Variants in IRF2BP2 observed in about 807,000 individuals in gnomAD.
The protein encoded by IRF2BP2 is interferon regulatory factor 2-binding protein 2.
Under a neutral mutation model 32.7 loss-of-function variants are expected in IRF2BP2, and 13 were observed. The ratio of observed to expected loss-of-function variants is 0.40; its 90% CI spans 0.26 to 0.63. IRF2BP2 has a LOEUF of 0.63. Ranked by LOEUF, IRF2BP2 falls within the 30% of genes least tolerant of loss-of-function variation. The pLI, the probability that IRF2BP2 is intolerant of heterozygous loss-of-function variation, is 0.42. For synonymous variants in IRF2BP2, 555 were observed against 384.6 expected (o/e 1.44, Z -5.18); for missense variants, 980 against 830.6 (o/e 1.18, Z -2.21).
rs745736622 is a variant in IRF2BP2 at position 234,607,440 on chromosome 1, T to C, written c.1461A>G (p.Pro487=). The change falls in exon 2 of 2, where the codon CCA becomes CCG. Residue 487 remains proline (P), a synonymous_variant. Coordinates refer to ENST00000366609, the MANE Select transcript of IRF2BP2 (RefSeq NM_182972.3). ...QGAGNTGGLE[P]VHPASLPDSS... The stretch of plus-strand genomic sequence containing the variant: ...AGTCCGGGAGGCTGGCAGGGTGCAC[T>C]GGCTCCAGTCCTCCTGTGTTGCCTG... The C allele has an allele frequency of 2.0e-5, 32 of 1,613,998 alleles. 1 individual carries two copies. The East Asian group carries it at 6.2e-4, about 31-fold the overall frequency.
Position 234,609,529 on chromosome 1 carries a change from G to C in IRF2BP2, c.-35C>G, listed in dbSNP as rs532761414. Reference sequence around the variant, plus strand: ...GCCCGCGACGCCGGAGGAGGAGGCGGAGGAGGAGGAGGGGGCGCCGCCGCC... The same window carrying C: ...GCCCGCGACGCCGGAGGAGGAGGCGCAGGAGGAGGAGGGGGCGCCGCCGCC... On this transcript the variant is annotated 5_prime_UTR_variant, in exon 1 of 2. Coordinates refer to ENST00000366609, the MANE Select transcript of IRF2BP2 (RefSeq NM_182972.3). 9.2e-5 allele frequency: 118 copies of C among 1,283,048 alleles called. No individual in the cohort carries two copies. The East Asian group carries it at 2.2e-3, about 24-fold the overall frequency. The allele number at this position is 1,283,048 out of a possible 1,614,324, so 79.5% of individuals were successfully genotyped here. A position where few individuals can be genotyped will look rare whatever the true frequency, so the allele number is the denominator to read the frequency against.
Position 234,609,210 on chromosome 1 carries a change from C to G in IRF2BP2, c.285G>C (p.Gln95His), listed in dbSNP as rs1672270386. 1.4e-5 allele frequency: 18 copies of G among 1,325,824 alleles called. No homozygotes were observed. Among genetic ancestry groups the G allele is most frequent in the Non-Finnish European group, 1.5e-5 (16 of 1,042,482 alleles). 82.1% of individuals were successfully genotyped at this position (1,325,824 alleles called of 1,614,324 possible). The change falls in exon 1 of 2, where the codon CAG (glutamine) becomes CAC (histidine). Residue 95 changes from glutamine to histidine, a missense_variant. Physicochemically the swap from Gln to His is conservative, Grantham distance 24. Coordinates refer to ENST00000366609, the MANE Select transcript of IRF2BP2 (RefSeq NM_182972.3). ...PLSAKDILLQQQQQLGHGGPE... is the reference protein window; with the variant it reads ...PLSAKDILLQHQQQLGHGGPE... ...GGCCGCCGTGGCCAAGCTGCTGCTG[C>G]TGCTGCAAAAGGATGTCCTTGGCGG...
chr1:234,609,325 CGCGCCGTCTCGAT>C lies in IRF2BP2; in HGVS notation c.157_169del (p.Ile53GlyfsTer97). On this transcript the variant is annotated frameshift_variant, in exon 1 of 2. Transcript: ENST00000366609. LOFTEE classifies it high-confidence loss of function. ...GCAGCCGTGCGCCCGCTTGAGCTGC[CGCGCCGTCTCGAT>C]GACGAACTCGACGCGGTCGGCGCCC... 6.6e-7 allele frequency: 1 copy of C among 1,520,248 alleles called. No homozygotes were observed. 94.2% of individuals were successfully genotyped at this position (1,520,248 alleles called of 1,614,324 possible).
Position 234,607,457 on chromosome 1 carries a change from T to C in IRF2BP2, c.1444A>G (p.Thr482Ala). ...REVGGQGAGN[T>A]GGLEPVHPAS... ...GGGTGCACTGGCTCCAGTCCTCCTG[T>C]GTTGCCTGCTCCCTGGCCCCCCACC... Residue 482 changes from threonine (T) to alanine (A), a missense_variant, in exon 2 of 2, where the codon ACA (threonine) becomes GCA (alanine). Transcript: ENST00000366609. 1.2e-6 allele frequency: 2 copies of C among 1,614,094 alleles called. No individual in the cohort carries two copies. The highest frequency in any genetic ancestry group is 1.7e-5 in the Admixed American group (1 of 60,024).
Position 234,610,121 on chromosome 1 carries a change from A to T in IRF2BP2, c.-627T>A, listed in dbSNP as rs1313666181. Among the ~76,000 whole-genome samples the T allele has an allele frequency of 2.7e-5, 4 of 147,864 alleles. No homozygotes were observed. Among genetic ancestry groups the T allele is most frequent in the Non-Finnish European group, 6.0e-5 (4 of 66,310 alleles). ...CCAGCGTCAGCGGCCAGCCCGCCTC[A>T]GCTCCGCCGCCGCCACCGTCGCTGC... On this transcript the variant is annotated 5_prime_UTR_variant, in exon 1 of 2. Transcript: ENST00000366609.
Position 234,609,384 on chromosome 1 carries a change from G to A in IRF2BP2, c.111C>T (p.Cys37=), listed in dbSNP as rs764501622. 3.2e-5 allele frequency: 50 copies of A among 1,560,412 alleles called. No homozygotes were observed. The Admixed American group carries it at 4.0e-4, about 13-fold the overall frequency. The change falls in exon 1 of 2, where the codon TGC becomes TGT. Residue 37 remains cysteine (C), a synonymous_variant. Transcript: ENST00000366609. ...AMIWDFTEPV[C]RGCVNYEGAD... is the part of the protein sequence containing the mutation. ...CGCCCTCGTAGTTGACGCAGCCGCGGCAGACGGGTTCGGTGAAGTCCCAGA... is the reference window on the plus strand; with the variant it reads ...CGCCCTCGTAGTTGACGCAGCCGCGACAGACGGGTTCGGTGAAGTCCCAGA...
In IRF2BP2 at chr1:234,605,572, T is replaced by G. The variant is rs1474029946; in HGVS notation, c.*1565A>C. The G allele has an allele frequency of 6.6e-6, 1 of 152,254 alleles. No individual in the cohort carries two copies. The highest frequency in any genetic ancestry group is 2.4e-5 in the African/African-American group (1 of 41,470). 9.4% of individuals were successfully genotyped at this position (152,254 alleles called of 1,614,324 possible). On this transcript the variant is annotated 3_prime_UTR_variant, in exon 2 of 2. Transcript: ENST00000366609. The stretch of plus-strand genomic sequence containing the variant: ...AAAGAATCCAAAGTTGGTAAAAATC[T>G]GTATTTTCAAATGTAAATAGAAGCT...
At position 234,607,377 on chromosome 1, in the gene IRF2BP2, G is replaced by C. The variant is rs768941217; in HGVS notation, c.1524C>G (p.Leu508=). The C allele has an allele frequency of 1.2e-6, 2 of 1,614,212 alleles. No individual in the cohort carries two copies. The highest frequency in any genetic ancestry group is 1.7e-6 in the Non-Finnish European group (2 of 1,180,034). The change falls in exon 2 of 2, where the codon CTC becomes CTG. Residue 508 remains leucine (L), a synonymous_variant. Transcript: ENST00000366609. ...GGGTGTCCTCCAGCCGCTCGTGGCA[G>C]AGGGTGCAGCACAGCGGGGCACTGG... ...LATSAPLCCT[L]CHERLEDTHF...
Position 234,606,185 on chromosome 1 carries a change from A to G in IRF2BP2, c.*952T>C, listed in dbSNP as rs1445124990. 6.6e-6 allele frequency: 1 copy of G among 152,330 alleles called. No homozygotes were observed. The highest frequency in any genetic ancestry group is 1.5e-5 in the Non-Finnish European group (1 of 68,156). The allele number at this position is 152,330 out of a possible 1,614,324, so 9.4% of individuals were successfully genotyped here. Reference sequence around the variant, plus strand: ...AAACAGAAACAAAACCAATCCCACAATCTCCAAGTTCACCTGGACTGTAAC... The same window carrying G: ...AAACAGAAACAAAACCAATCCCACAGTCTCCAAGTTCACCTGGACTGTAAC... On this transcript the variant is annotated 3_prime_UTR_variant, in exon 2 of 2. Transcript: ENST00000366609.
At position 234,605,234 on chromosome 1, in the gene IRF2BP2, T is replaced by C. The variant is rs890418296; in HGVS notation, c.*1903A>G. On this transcript the variant is annotated 3_prime_UTR_variant, in exon 2 of 2. Coordinates refer to ENST00000366609, the MANE Select transcript of IRF2BP2 (RefSeq NM_182972.3). ...GAGCTGAATTCTTTACAAATGTCTT[T>C]ATGGGCATGTAAAATTGACTCTGCA... 4 of 152,268 alleles carry C rather than the reference T, an allele frequency of 2.6e-5. No homozygotes were observed. The South Asian group carries it at 8.3e-4, about 31-fold the overall frequency. The allele number at this position is 152,268 out of a possible 1,614,324, so 9.4% of individuals were successfully genotyped here.
chr1:234,608,511 C>A lies in IRF2BP2; in HGVS notation c.984G>T (p.Glu328Asp). ...SGPFESKFKK[E>D]PALTAGRLLG... Reference sequence around the variant, plus strand: ...ACAACCTGCCTGCAGTCAGGGCCGGCTCCTTCTTAAACTTGCTCTCGAAGG... The same window carrying A: ...ACAACCTGCCTGCAGTCAGGGCCGGATCCTTCTTAAACTTGCTCTCGAAGG... Residue 328 changes from glutamate to aspartate, a missense_variant, in exon 1 of 2, where the codon GAG becomes GAT. Physicochemically the swap from Glu to Asp is conservative, Grantham distance 45. Coordinates refer to ENST00000366609, the MANE Select transcript of IRF2BP2 (RefSeq NM_182972.3). The A allele has an allele frequency of 1.9e-6, 3 of 1,610,200 alleles. No individual in the cohort carries two copies. The highest frequency in any genetic ancestry group is 2.5e-6 in the Non-Finnish European group (3 of 1,178,690).
rs776112211 is a variant in IRF2BP2, at chr1:234,607,632, G to C, written c.1269C>G (p.Ser423=). 1 of 1,614,240 alleles carries C rather than the reference G, an allele frequency of 6.2e-7. No homozygotes were observed. The highest frequency in any genetic ancestry group is 8.5e-7 in the Non-Finnish European group (1 of 1,180,034). ...CTACTAAGATCAGGGCTGCCATGGG[G>C]GACTGGCCATTCTGGGCCGCTTCAG... The part of the protein sequence containing the change: ...TPPEAAQNGQ[S]PMAALILVAD... The change falls in exon 2 of 2, where the codon TCC becomes TCG. Residue 423 remains serine, a synonymous_variant. Transcript: ENST00000366609.
In IRF2BP2 at chr1:234,607,247, C is replaced by T. The variant is rs749143055; in HGVS notation, c.1654G>A (p.Gly552Arg). The T allele has an allele frequency of 3.1e-6, 5 of 1,614,194 alleles. No homozygotes were observed. The highest frequency in any genetic ancestry group is 1.7e-5 in the Admixed American group (1 of 60,020). Reference sequence around the variant, plus strand: ...GAGCCCACAAGAGGGCATTTTTCCCCACTGGGACAATAGACCTCTCCACTA... The same window carrying T: ...GAGCCCACAAGAGGGCATTTTTCCCTACTGGGACAATAGACCTCTCCACTA... The part of the protein sequence containing the change: ...GASGEVYCPS[G>R]EKCPLVGSNV... Residue 552 changes from glycine to arginine, a missense_variant, in exon 2 of 2, where the codon GGG becomes AGG. Physicochemically the swap from Gly to Arg is moderately radical, Grantham distance 125. Transcript: ENST00000366609.
At position 234,609,262 on chromosome 1, in the gene IRF2BP2, G is replaced by A; in HGVS notation, c.233C>T (p.Ser78Leu). The A allele has an allele frequency of 7.3e-7, 1 of 1,375,654 alleles. No homozygotes were observed. 85.2% of individuals were successfully genotyped at this position (1,375,654 alleles called of 1,614,324 possible). The change falls in exon 1 of 2, where the codon TCG becomes TTG. Residue 78 changes from serine to leucine, a missense_variant. Physicochemically the swap from Ser to Leu is moderately radical, Grantham distance 145. Coordinates refer to ENST00000366609, the MANE Select transcript of IRF2BP2 (RefSeq NM_182972.3). ...GAGCGGCGGCGGCTTGGCGGCGGCCGAGGCCGCGGCGCCGGGTGGGGAGCG... is the reference window on the plus strand; with the variant it reads ...GAGCGGCGGCGGCTTGGCGGCGGCCAAGGCCGCGGCGCCGGGTGGGGAGCG... ...EGRSPPGAAASAAAKPPPLSA... is the reference protein window; with the variant it reads ...EGRSPPGAAALAAAKPPPLSA...
At position 234,610,107 on chromosome 1, in the gene IRF2BP2, G is replaced by A. The variant is rs895195196; in HGVS notation, c.-613C>T. On this transcript the variant is annotated 5_prime_UTR_variant, in exon 1 of 2. Transcript: ENST00000366609. The stretch of plus-strand genomic sequence containing the variant: ...GCCGCTCTCCAGCGCCAGCGTCAGC[G>A]GCCAGCCCGCCTCAGCTCCGCCGCC... Among the ~76,000 whole-genome samples, 7 of 148,146 alleles carry A rather than the reference G, an allele frequency of 4.7e-5. No individual in the cohort carries two copies. Among genetic ancestry groups the A allele is most frequent in the African/African-American group, 1.7e-4 (7 of 41,040 alleles).
rs535570772 is a variant in IRF2BP2, at chr1:234,605,866, AGAG to A, written c.*1268_*1270del. 40 of 152,202 alleles carry A rather than the reference AGAG, an allele frequency of 2.6e-4. No individual in the cohort carries two copies. The highest frequency in any genetic ancestry group is 4.7e-4 in the Non-Finnish European group (32 of 68,044). The allele number at this position is 152,202 out of a possible 1,614,324, so 9.4% of individuals were successfully genotyped here. ...CAAAAAGACTTCTAAAAATATTTTG[AGAG>A]GTGGGGCCTGTCTATTATATAAAAC... On this transcript the variant is annotated 3_prime_UTR_variant, in exon 2 of 2. Coordinates refer to ENST00000366609, the MANE Select transcript of IRF2BP2 (RefSeq NM_182972.3).
Position 234,609,767 on chromosome 1 carries a change from C to T in IRF2BP2, c.-273G>A, listed in dbSNP as rs1209331531. Among the ~76,000 whole-genome samples, 1 of 143,300 alleles carries T rather than the reference C, an allele frequency of 7.0e-6. No homozygotes were observed. The highest frequency in any genetic ancestry group is 2.5e-5 in the African/African-American group (1 of 40,038). 94.0% of individuals were successfully genotyped at this position (143,300 alleles called of 152,430 possible). A position where few individuals can be genotyped will look rare whatever the true frequency, so the allele number is the denominator to read the frequency against. On this transcript the variant is annotated 5_prime_UTR_variant, in exon 1 of 2. Coordinates refer to ENST00000366609, the MANE Select transcript of IRF2BP2 (RefSeq NM_182972.3). ...TCCCCCCGGCCGGCCCGGGCACGGG[C>T]GGGCGGCGCGGCGCGGCGGGGCGGC...
At position 234,609,683 on chromosome 1, in the gene IRF2BP2, G is replaced by A. The variant is rs1440487999; in HGVS notation, c.-189C>T. The stretch of plus-strand genomic sequence containing the variant: ...CGCGAAGGCTCGGCGCCCGCGCAGC[G>A]CCCCCGGTGCACGAGGGGCGGCGGG... On this transcript the variant is annotated 5_prime_UTR_variant, in exon 1 of 2. Transcript: ENST00000366609. 1.4e-5 allele frequency among the ~76,000 whole-genome samples: 2 copies of A among 143,878 alleles called. No homozygotes were observed. The highest frequency in any genetic ancestry group is 2.5e-5 in the African/African-American group (1 of 39,992). The allele number at this position is 143,878 out of a possible 152,430, so 94.4% of individuals were successfully genotyped here. A position where few individuals can be genotyped will look rare whatever the true frequency, so the allele number is the denominator to read the frequency against.
rs1672299426 is a variant in IRF2BP2, at chr1:234,609,875, G to A, written c.-381C>T. ...ACGGGCCGCGCGGGCGCGGGGGAGC[G>A]CAGCAGGTCGCGGCGGCGGCCGGCA... On this transcript the variant is annotated 5_prime_UTR_variant, in exon 1 of 2. Coordinates refer to ENST00000366609, the MANE Select transcript of IRF2BP2 (RefSeq NM_182972.3). Among the ~76,000 whole-genome samples the A allele has an allele frequency of 7.4e-6, 1 of 136,006 alleles. No individual in the cohort carries two copies. The highest frequency in any genetic ancestry group is 2.3e-4 in the South Asian group (1 of 4,370). 89.2% of individuals were successfully genotyped at this position (136,006 alleles called of 152,430 possible).
Sources: gnomAD v4.1 joint callset for allele counts (sites outside exome capture counted in the v4.1 genomes callset) on GRCh38, gnomAD v4.1.1 for gene constraint, MANE v1.5 for transcripts, NCBI Gene and HGNC (gene_info 2026-07-23, HGNC 2026-07-21) for gene names.